Variants in XDH observed in about 807,000 individuals in gnomAD.
XDH encodes xanthine dehydrogenase, also known as xanthine dehydrogenase/oxidase.
XDH carries 138 observed loss-of-function variants against 156.1 expected under a neutral mutation model. That is an observed-to-expected ratio of 0.88 (90% CI 0.77 to 1.02). The LOEUF is 1.02. XDH is among the 50% of genes least tolerant of loss of function. The pLI, the probability that XDH is intolerant of heterozygous loss-of-function variation, is 0.00. For missense variants in XDH, 1,849 were observed against 1,684.9 expected (o/e 1.10, Z -1.71); for synonymous variants, 669 against 625.7 (o/e 1.07, Z -1.03).
chr2:31,409,412 T>C (rs1192197533), intron 1 of XDH, among the ~76,000 whole-genome samples: 1 of 152,218 alleles, frequency 6.6e-6, no homozygotes, highest in Admixed American at 6.5e-5. Flanking sequence ...CATAAATATG[T>C]AGATCTACTA....
rs1214651347 is a variant in XDH at position 31,376,996 on chromosome 2, T to C, written c.1427+57A>G. The C allele has an allele frequency of 1.2e-5, 19 of 1,604,088 alleles. No individual in the cohort carries two copies. In the South Asian group the frequency reaches 1.5e-4, roughly 13 times the overall value. The stretch of plus-strand genomic sequence containing the variant: ...GTCATAGTAGCAGCAGCAGTAACAA[T>C]GATACTATTAGTAGCAGCAACATTA... On this transcript the variant is annotated intron_variant, in intron 14 of 35. Coordinates refer to ENST00000379416, the MANE Select transcript of XDH (RefSeq NM_000379.4).
chr2:31,393,962 GTCAT>G (rs1370111584), intron 6 of XDH, among the ~76,000 whole-genome samples: 6 of 151,428 alleles, frequency 4.0e-5, no homozygotes, highest in Non-Finnish European at 7.4e-5. Flanking sequence ...TATCATTGTT[GTCAT>G]TCATTTTACT....
At chr2:31,359,377 A>G (rs1206530012) in intron 24 of XDH, among the ~76,000 whole-genome samples, 1 of 152,132 alleles carries the variant, frequency 6.6e-6, no homozygotes, top group Non-Finnish European at 1.5e-5. Context: ...AAAACCAAAA[A>G]AAAAAAAACA....
chr2:31,397,565 C>T, intron 6 of XDH, 103 bp downstream of exon 6: 8 of 1,385,094 alleles, frequency 5.8e-6, no homozygotes, highest in South Asian at 3.5e-5. Context: ...ATCTTATCAT[C>T]ATTGTTTGTA....
At chr2:31,396,598 T>C (rs964667365) in intron 6 of XDH, among the ~76,000 whole-genome samples, 5 of 151,890 alleles carry the variant, frequency 3.3e-5, no homozygotes, top group African/African-American at 1.2e-4. Context: ...TTTTATTAGG[T>C]TGGTGCAAAA....
chr2:31,345,996 G>A (rs914150546), intron 30 of XDH, among the ~76,000 whole-genome samples: 1 of 152,242 alleles, frequency 6.6e-6, no homozygotes, highest in African/African-American at 2.4e-5. Context: ...ATAGTAAGAT[G>A]AGTGGGTCTG....
chr2:31,368,502 G>A (rs769612971), intron 19 of XDH, 39 bp downstream of exon 19: 11 of 1,613,034 alleles, frequency 6.8e-6, no homozygotes, highest in Non-Finnish European at 9.3e-6. Context: ...CAGGGACGGG[G>A]AGCTCACTCC....
chr2:31,390,790 T>C (rs1357056638), intron 6 of XDH, among the ~76,000 whole-genome samples: 1 of 152,232 alleles, frequency 6.6e-6, no homozygotes, highest in Non-Finnish European at 1.5e-5. Flanking sequence ...TTACTGGCCA[T>C]CCATATACCT....
chr2:31,337,530 C>G, intron 35 of XDH, 111 bp downstream of exon 35: 2 of 1,527,340 alleles, frequency 1.3e-6, no homozygotes, highest in South Asian at 2.3e-5. Flanking sequence ...TGCAAGGCTG[C>G]CCGGTTAGGA....
At chr2:31,386,305 G>T in intron 9 of XDH, 109 bp downstream of exon 9, 1 of 1,457,750 alleles carries the variant, frequency 6.9e-7, no homozygotes, top group Non-Finnish European at 9.4e-7. Flanking sequence ...GGGGCAGAGG[G>T]ATAGGGTGCA....
chr2:31,397,852 G>A, intron 5 of XDH, 123 bp from the exon 6 acceptor site: 1 of 1,095,996 alleles, frequency 9.1e-7, no homozygotes, highest in South Asian at 1.3e-5. Context: ...TGTTACCTCT[G>A]TCTGGAAGGC....
chr2:31,378,054 G>GAAA lies in XDH; in HGVS notation c.1243-818_1243-817insTTT, dbSNP rs1314573752. Among the ~76,000 whole-genome samples, 235 of 78,546 alleles carry GAAA rather than the reference G, an allele frequency of 3.0e-3. 3 individuals carry two copies. Among genetic ancestry groups the GAAA allele is most frequent in the African/African-American group, 8.4e-3 (138 of 16,500 alleles). The allele number at this position is 78,546 out of a possible 152,430, so 51.5% of individuals were successfully genotyped here. A position where few individuals can be genotyped will look rare whatever the true frequency, so the allele number is the denominator to read the frequency against. ...AAAAAAGAGAAGAAAGAGAAAGAAA[G>GAAA]GAAGAAAGAAAGAAAGAAAGAAAGA... is the stretch of plus-strand genomic sequence containing the variant. On this transcript the variant is annotated intron_variant, in intron 13 of 35. Transcript: ENST00000379416.
chr2:31,396,142 T>A (rs1038834877), intron 6 of XDH, among the ~76,000 whole-genome samples: 1 of 152,130 alleles, frequency 6.6e-6, no homozygotes, highest in East Asian at 1.9e-4. Flanking sequence ...CTGAGCACCT[T>A]TTGTGTGTCA....
intron 1 of XDH, among the ~76,000 whole-genome samples, chr2:31,410,011 A>T (rs1487109176): frequency 6.6e-6 from 1 of 152,250 alleles, no homozygotes; most frequent in Non-Finnish European, 1.5e-5. Context: ...AGATGAATGG[A>T]TAAGCAAAAT....
intron 15 of XDH, 35 bp downstream of exon 15, chr2:31,375,345 T>A: frequency 6.2e-7 from 1 of 1,614,008 alleles, no homozygotes. Context: ...CCAAACATGC[T>A]ACAGAGAGCC....
At chr2:31,399,416 G>T (rs1686996271) in intron 4 of XDH, among the ~76,000 whole-genome samples, 1 of 152,150 alleles carries the variant, frequency 6.6e-6, no homozygotes, top group African/African-American at 2.4e-5. Context: ...GGAAAAGCCA[G>T]AACCACAGTG....
At chr2:31,380,084 C>A (rs748449221) in intron 12 of XDH, 108 bp from the exon 13 acceptor site, 13 of 1,075,500 alleles carry the variant, frequency 1.2e-5, no homozygotes, top group Non-Finnish European at 1.7e-5. Flanking sequence ...GTCTCCAATG[C>A]CCACAGTCAG....
At chr2:31,353,549 G>A (rs952394282) in intron 24 of XDH, among the ~76,000 whole-genome samples, 2 of 152,192 alleles carry the variant, frequency 1.3e-5, no homozygotes, top group Non-Finnish European at 2.9e-5. Context: ...ATGACATGAT[G>A]GTGAGTTCCA....
In XDH at chr2:31,395,382, T is replaced by G. The variant is rs114248797; in HGVS notation, c.495+2286A>C. Among the ~76,000 whole-genome samples, 1,058 of 152,236 alleles carry G rather than the reference T, an allele frequency of 6.9e-3. 6 individuals carry two copies. The highest frequency in any genetic ancestry group is 0.054 in the Middle Eastern group (16 of 294). Reference sequence around the variant, plus strand: ...GGTTGCGTATTTCCCCTCCCCAAGGTAGGCGAGGATCTAATATAACCTCAG... The same window carrying G: ...GGTTGCGTATTTCCCCTCCCCAAGGGAGGCGAGGATCTAATATAACCTCAG... On this transcript the variant is annotated intron_variant, in intron 6 of 35. Transcript: ENST00000379416.
Sources: gnomAD v4.1 joint callset for allele counts (sites outside exome capture counted in the v4.1 genomes callset) on GRCh38, gnomAD v4.1.1 for gene constraint, MANE v1.5 for transcripts, NCBI Gene and HGNC (gene_info 2026-07-23, HGNC 2026-07-21) for gene names.